PHC1: variants seen among roughly 807,000 people sequenced by gnomAD.
PHC1 encodes the protein polyhomeotic-like protein 1.
Under a neutral mutation model 104.3 loss-of-function variants are expected in PHC1, and 12 were observed. The ratio of observed to expected loss-of-function variants is 0.12; its 90% CI spans 0.07 to 0.19. The LOEUF is 0.19. Among genes scored for constraint, PHC1 ranks in the 10% least tolerant of loss-of-function variants. PHC1 has a pLI of 1.00. For synonymous variants in PHC1, 302 were observed against 455.8 expected, an observed-to-expected ratio of 0.66 and a Z score of 4.30; for missense variants, 671 against 1,200.0, an observed-to-expected ratio of 0.56 and a Z score of 6.51.
In PHC1 at chr12:8,937,237, G is replaced by C. The variant is rs1029253222; in HGVS notation, c.2539G>C (p.Glu847Gln). 6.2e-7 allele frequency: 1 copy of C among 1,613,500 alleles called. No homozygotes were observed. The highest frequency in any genetic ancestry group is 8.5e-7 in the Non-Finnish European group (1 of 1,179,748). Residue 847 changes from glutamate (E) to glutamine (Q), a missense_variant, in exon 13 of 15, where the codon GAA becomes CAA. This residue lies in a region of PHC1 where 192 missense variants were observed against 280.5 expected (regional missense o/e 0.68). Transcript: ENST00000544916. ...LKRKKMKEFQ[E>Q]ANYARVRRRG... ...GAGGAAAAAAATGAAAGAGTTTCAA[G>C]AAGCCAACTATGCTCGCGTTCGCAG...
At chr12:8,934,546 C>A in intron 10 of PHC1, 68 bp downstream of exon 10, 2 of 1,119,232 alleles carry the variant, frequency 1.8e-6, no homozygotes, top group South Asian at 1.5e-5. Flanking sequence ...TTTTCAAACT[C>A]CAGTAAAAGT....
intron 14 of PHC1, among the ~76,000 whole-genome samples, chr12:8,938,726 T>C (rs997811294): frequency 6.6e-6 from 1 of 152,200 alleles, no homozygotes; most frequent in Non-Finnish European, 1.5e-5. Flanking sequence ...TTTATTTCTG[T>C]TCTCTCCCTT....
In PHC1 at chr12:8,937,996, C is replaced by G; in HGVS notation, c.2796C>G (p.Phe932Leu). 6.2e-7 allele frequency: 1 copy of G among 1,607,420 alleles called. No homozygotes were observed. The highest frequency in any genetic ancestry group is 8.5e-7 in the Non-Finnish European group (1 of 1,174,658). Residue 932 changes from phenylalanine (F) to leucine (L), a missense_variant, in exon 14 of 15, where the codon TTC (phenylalanine) becomes TTG (leucine). Phe to Leu is a conservative substitution (Grantham distance 22). Around this residue, in one of 9 missense-constraint regions of PHC1, gnomAD observed 192 missense variants for 280.5 expected, o/e 0.68. Coordinates refer to ENST00000544916, the MANE Select transcript of PHC1 (RefSeq NM_004426.3). ...TPELHGINPV[F>L]LSSNPSRWSV... is the part of the protein sequence containing the mutation. Reference sequence around the variant, plus strand: ...AATTACATGGCATCAACCCTGTGTTCCTGTCCAGTAATCCCAGCCGTTGGA... The same window carrying G: ...AATTACATGGCATCAACCCTGTGTTGCTGTCCAGTAATCCCAGCCGTTGGA...
In PHC1 at chr12:8,933,287, C is replaced by T. The variant is rs1945744091; in HGVS notation, c.1830C>T (p.Thr610=). Residue 610 remains threonine (T), a synonymous_variant, in exon 8 of 15, where the codon ACC becomes ACT. Transcript: ENST00000544916. ...CACATGTGGTAAAGGGTGGGGCTAC[C>T]ACCTCCTCACCTGTTGTAGCCCAGG... ...GTAHVVKGGA[T]TSSPVVAQVP... is the part of the protein sequence containing the mutation. The T allele has an allele frequency of 2.1e-6, 3 of 1,463,098 alleles. No individual in the cohort carries two copies. Among genetic ancestry groups the T allele is most frequent in the African/African-American group, 1.4e-5 (1 of 70,158 alleles). The allele number at this position is 1,463,098 out of a possible 1,614,324, so 90.6% of individuals were successfully genotyped here.
chr12:8,929,499 A>G (rs1945620924), intron 6 of PHC1, among the ~76,000 whole-genome samples: 2 of 151,430 alleles, frequency 1.3e-5, no homozygotes. Flanking sequence ...TAGAAATTAT[A>G]CATTTTTTTT....
At chr12:8,917,215 G>GT (rs1945228564) in intron 1 of PHC1, among the ~76,000 whole-genome samples, 1 of 152,210 alleles carries the variant, frequency 6.6e-6, no homozygotes, top group Non-Finnish European at 1.5e-5. Context: ...TGGCTCTCCA[G>GT]TATATGGTGA....
intron 6 of PHC1, among the ~76,000 whole-genome samples, chr12:8,928,253 T>C (rs1386845495): frequency 6.6e-6 from 1 of 152,302 alleles, no homozygotes; most frequent in East Asian, 1.9e-4. Context: ...AGTCTTAACC[T>C]ACTTGTAGTT....
In PHC1 at chr12:8,933,985, G is replaced by A. The variant is rs1244474745; in HGVS notation, c.2014G>A (p.Val672Ile). 7.4e-6 allele frequency: 12 copies of A among 1,614,180 alleles called. No homozygotes were observed. The highest frequency in any genetic ancestry group is 1.0e-5 in the Non-Finnish European group (12 of 1,179,996). The change falls in exon 9 of 15, where the codon GTC (valine) becomes ATC (isoleucine). Residue 672 changes from valine (V) to isoleucine (I), a missense_variant. By Grantham distance (29) the Val-to-Ile change is conservative. Coordinates refer to ENST00000544916, the MANE Select transcript of PHC1 (RefSeq NM_004426.3). ...KASPVAESPK[V>I]MDEKSSLGEK... ...ATCTCCAGTAGCAGAAAGCCCAAAA[G>A]TCATGGACGAGAAGAGCAGTCTTGG...
At chr12:8,938,161 G>T (rs1193323375) in intron 14 of PHC1, 101 bp downstream of exon 14, 3 of 744,024 alleles carry the variant, frequency 4.0e-6, no homozygotes, top group Non-Finnish European at 6.9e-6. Flanking sequence ...AGCAGTAGGA[G>T]CTTGAATGCT....
chr12:8,923,684 GC>G (rs1945429221), intron 6 of PHC1, among the ~76,000 whole-genome samples: 1 of 151,936 alleles, frequency 6.6e-6, no homozygotes, highest in South Asian at 2.1e-4. Context: ...CAAAAAATTA[GC>G]CAGGCGTGGT....
At chr12:8,936,218 A>T (rs1439364235) in intron 11 of PHC1, among the ~76,000 whole-genome samples, 1 of 152,114 alleles carries the variant, frequency 6.6e-6, no homozygotes, top group African/African-American at 2.4e-5. Flanking sequence ...TTGTCTCTAC[A>T]AAAAAATATA....
At chr12:8,915,168 C>T (rs1945165174) in intron 1 of PHC1, 1 of 152,690 alleles carries the variant, frequency 6.5e-6, no homozygotes, top group African/African-American at 2.4e-5. Flanking sequence ...TCCTCAGCCT[C>T]CAGTTCCTTG....
At chr12:8,938,883 G>A (rs984722577) in intron 14 of PHC1, among the ~76,000 whole-genome samples, 1 of 152,070 alleles carries the variant, frequency 6.6e-6, no homozygotes, top group Admixed American at 6.6e-5. Context: ...GGAGTGCTGT[G>A]GCATGAATTT....
At position 8,922,672 on chromosome 12, in the gene PHC1, G is replaced by A. The variant is rs764348475; in HGVS notation, c.496G>A (p.Gly166Ser). ...CCTATTGCAGGTAAACCGAACCCTGGGTCGGAATGTGCCTCTAGCCTCCCA... is the reference window on the plus strand; with the variant it reads ...CCTATTGCAGGTAAACCGAACCCTGAGTCGGAATGTGCCTCTAGCCTCCCA... ...GNLLQVNRTL[G>S]RNVPLASQLI... The change falls in exon 6 of 15, where the codon GGT becomes AGT. Residue 166 changes from glycine (G) to serine (S), a missense_variant. Coordinates refer to ENST00000544916, the MANE Select transcript of PHC1 (RefSeq NM_004426.3). 7.5e-6 allele frequency: 12 copies of A among 1,598,190 alleles called. No homozygotes were observed. Among genetic ancestry groups the A allele is most frequent in the Non-Finnish European group, 1.0e-5 (12 of 1,172,428 alleles).
chr12:8,916,770 C>T (rs1411478924), intron 1 of PHC1, among the ~76,000 whole-genome samples: 1 of 152,066 alleles, frequency 6.6e-6, no homozygotes, highest in Non-Finnish European at 1.5e-5. Context: ...TGATATATTA[C>T]ATTCAGTATG....
chr12:8,936,366 A>G (rs1399411370), intron 11 of PHC1, among the ~76,000 whole-genome samples: 1 of 152,314 alleles, frequency 6.6e-6, no homozygotes, highest in Non-Finnish European at 1.5e-5. Context: ...CGGGTGACAG[A>G]GTGAGACTGT....
At chr12:8,924,821 A>G (rs1403898508) in intron 6 of PHC1, among the ~76,000 whole-genome samples, 1 of 152,200 alleles carries the variant, frequency 6.6e-6, no homozygotes, top group Non-Finnish European at 1.5e-5. Context: ...CTAGCTATTG[A>G]ACAGCAGATT....
chr12:8,926,961 C>T (rs896203342), intron 6 of PHC1, among the ~76,000 whole-genome samples: 1 of 151,920 alleles, frequency 6.6e-6, no homozygotes, highest in Non-Finnish European at 1.5e-5. Flanking sequence ...AGGAGAGGAA[C>T]GTTTAATATG....
At position 8,930,517 on chromosome 12, in the gene PHC1, C is replaced by T. The variant is rs951763693; in HGVS notation, c.695C>T (p.Pro232Leu). The T allele has an allele frequency of 5.1e-5, 80 of 1,555,948 alleles. No homozygotes were observed. The highest frequency in any genetic ancestry group is 6.8e-5 in the Non-Finnish European group (78 of 1,149,902). ...GGCTCCACTCAGAAGGCCATTCCTC[C>T]AGGAGCCTCCCCTGTCTCTAGCCTC... ...MQGSTQKAIP[P>L]GASPVSSLSQ... Residue 232 changes from proline to leucine, a missense_variant, in exon 7 of 15, where the codon CCA becomes CTA. Around this residue, in one of 9 missense-constraint regions of PHC1, gnomAD observed 237 missense variants for 331.1 expected, o/e 0.72. Coordinates refer to ENST00000544916, the MANE Select transcript of PHC1 (RefSeq NM_004426.3).
Sources: gnomAD v4.1 joint callset for allele counts (sites outside exome capture counted in the v4.1 genomes callset) on GRCh38, gnomAD v4.1.1 for gene constraint, gnomAD v4.1.1 regional missense constraint, MANE v1.5 for transcripts, NCBI Gene and HGNC (gene_info 2026-07-23, HGNC 2026-07-21) for gene names.